Variants in SPOCK1 observed in about 807,000 individuals in gnomAD.
SPOCK1 encodes the protein SPARC (osteonectin), cwcv and kazal like domains proteoglycan 1.
Under a neutral mutation model 55.3 loss-of-function variants are expected in SPOCK1, and 23 were observed. That is an observed-to-expected ratio of 0.42 (90% confidence interval 0.30 to 0.59). SPOCK1 has a LOEUF of 0.59. Ranked by LOEUF, SPOCK1 falls within the 20% of genes least tolerant of loss-of-function variation. The pLI is 0.22. For missense variants in SPOCK1, 499 were observed against 552.5 expected (o/e 0.90, Z 0.97); for synonymous variants, 226 against 221.0 (o/e 1.02, Z -0.20).
At chr5:137,095,001 T>G (rs550408007) in intron 5 of SPOCK1, among the ~76,000 whole-genome samples, 1 of 152,272 alleles carries the variant, frequency 6.6e-6, no homozygotes, top group Non-Finnish European at 1.5e-5. Context: ...ATTAGCTTAA[T>G]TTCAATATTG....
intron 4 of SPOCK1, 95 bp from the exon 5 acceptor site, chr5:137,112,656 G>T: frequency 7.2e-7 from 1 of 1,398,016 alleles, no homozygotes. Context: ...AATAAATAAA[G>T]GACTATCCAA....
chr5:137,306,397 G>A (rs185881469), intron 2 of SPOCK1, among the ~76,000 whole-genome samples: 3 of 152,280 alleles, frequency 2.0e-5, no homozygotes, highest in Admixed American at 2.0e-4. Context: ...TCTCTGGGTG[G>A]GAGTCACATG....
At chr5:137,001,039 G>T (rs1193279999) in intron 6 of SPOCK1, among the ~76,000 whole-genome samples, 1 of 152,090 alleles carries the variant, frequency 6.6e-6, no homozygotes, top group Non-Finnish European at 1.5e-5. Flanking sequence ...ACAAAAAATA[G>T]GCTCTGGAGT....
rs572128078 is a variant in SPOCK1 at position 137,079,543 on chromosome 5, C to CA, written c.475-11715_475-11714insT. ...ACCATCCCATCTGATTCCCCCCCCCCCCGACTTAGTGAAATGTCGTACCAA... is the reference window on the plus strand; with the variant it reads ...ACCATCCCATCTGATTCCCCCCCCCCACCGACTTAGTGAAATGTCGTACCAA... On this transcript the variant is annotated intron_variant, in intron 5 of 10. Coordinates refer to ENST00000394945, the MANE Select transcript of SPOCK1 (RefSeq NM_004598.4). Among the ~76,000 whole-genome samples, 13 of 147,940 alleles carry CA rather than the reference C, an allele frequency of 8.8e-5. No individual in the cohort carries two copies. In the South Asian group the frequency reaches 2.6e-3, roughly 30 times the overall value.
At chr5:137,397,653 T>G (rs1476565614) in intron 2 of SPOCK1, among the ~76,000 whole-genome samples, 2 of 152,224 alleles carry the variant, frequency 1.3e-5, no homozygotes, top group Non-Finnish European at 2.9e-5. Context: ...ATGGGAGCTC[T>G]GAAGAGAAAC....
At chr5:137,271,005 A>AAATTAATT (rs3043269) in intron 2 of SPOCK1, among the ~76,000 whole-genome samples, 1,540 of 147,640 alleles carry the variant, frequency 0.01, 13 homozygotes, top group African/African-American at 0.021. Context: ...CTCTGTCTCA[A>AAATTAATT]AATTAATTAA....
intron 5 of SPOCK1, among the ~76,000 whole-genome samples, chr5:137,102,238 A>G (rs1753285204): frequency 6.6e-6 from 1 of 152,186 alleles, no homozygotes; most frequent in African/African-American, 2.4e-5. Context: ...GGGCCATATC[A>G]GCCTGGATAT....
chr5:137,010,005 G>GT (rs908696807), intron 6 of SPOCK1, among the ~76,000 whole-genome samples: 3 of 152,118 alleles, frequency 2.0e-5, no homozygotes, highest in African/African-American at 7.2e-5. Flanking sequence ...CTTCAAATAT[G>GT]TGTTCACCTG....
chr5:137,218,803 G>C (rs13166226), intron 3 of SPOCK1, among the ~76,000 whole-genome samples: 25,842 of 152,108 alleles, frequency 0.17, 2,496 homozygotes, highest in South Asian at 0.26. Flanking sequence ...CCAAGGAGGA[G>C]CTCCTTCTCA....
At chr5:137,275,954 C>T (rs1757058654) in intron 2 of SPOCK1, among the ~76,000 whole-genome samples, 1 of 152,212 alleles carries the variant, frequency 6.6e-6, no homozygotes, top group Admixed American at 6.5e-5. Context: ...TGGCCACGTG[C>T]CCTAACCAGC....
At chr5:137,261,402 A>G (rs1756740304) in intron 3 of SPOCK1, among the ~76,000 whole-genome samples, 1 of 152,210 alleles carries the variant, frequency 6.6e-6, no homozygotes, top group Non-Finnish European at 1.5e-5. Context: ...GAACATGAAA[A>G]GAACTCCCTC....
intron 3 of SPOCK1, among the ~76,000 whole-genome samples, chr5:137,261,679 GATTAGTATTCACTC>G (rs2127113004): frequency 6.6e-6 from 1 of 152,316 alleles, no homozygotes; most frequent in East Asian, 1.9e-4. Flanking sequence ...CTGGAAGAAT[GATTAGTATTCACTC>G]CAGAATAAAA....
rs77428651 is a variant in SPOCK1 at position 136,993,815 on chromosome 5, G to A, written c.590-1215C>T. Among the ~76,000 whole-genome samples the A allele has an allele frequency of 2.5e-3, 387 of 152,298 alleles. 1 individual carries two copies. Among genetic ancestry groups the A allele is most frequent in the Non-Finnish European group, 4.2e-3 (285 of 68,024 alleles). On this transcript the variant is annotated intron_variant, in intron 6 of 10. Transcript: ENST00000394945. Reference sequence around the variant, plus strand: ...TAGGGACAGTGATGAAAAAGGAGTAGACACAGCCTCACCAAAACTCCAAGC... The same window carrying A: ...TAGGGACAGTGATGAAAAAGGAGTAAACACAGCCTCACCAAAACTCCAAGC...
intron 2 of SPOCK1, among the ~76,000 whole-genome samples, chr5:137,362,671 C>T (rs1193523040): frequency 2.0e-5 from 3 of 152,132 alleles, no homozygotes; most frequent in Non-Finnish European, 4.4e-5. Context: ...ATATTCTCCA[C>T]TTTGTGAGCC....
intron 3 of SPOCK1, among the ~76,000 whole-genome samples, chr5:137,256,820 C>T (rs555498841): frequency 1.2e-4 from 18 of 152,266 alleles, no homozygotes; most frequent in East Asian, 3.9e-4. Flanking sequence ...CTCCAGCGCA[C>T]GCGTGCCACA....
At chr5:137,190,955 T>C (rs1303825649) in intron 3 of SPOCK1, among the ~76,000 whole-genome samples, 2 of 152,198 alleles carry the variant, frequency 1.3e-5, no homozygotes, top group African/African-American at 4.8e-5. Flanking sequence ...TTTCAGAGCC[T>C]TAGGAAATAA....
intron 2 of SPOCK1, among the ~76,000 whole-genome samples, chr5:137,342,384 C>T (rs1049711303): frequency 6.6e-6 from 1 of 152,162 alleles, no homozygotes; most frequent in African/African-American, 2.4e-5. Context: ...TTTCTTTCAG[C>T]TCACCCCATG....
At chr5:137,244,719 C>T (rs1202992665) in intron 3 of SPOCK1, among the ~76,000 whole-genome samples, 4 of 152,184 alleles carry the variant, frequency 2.6e-5, no homozygotes, top group Admixed American at 2.6e-4. Flanking sequence ...ACTGGGGCTA[C>T]CAAACATATT....
At chr5:137,308,675 CT>C (rs1443445324) in intron 2 of SPOCK1, among the ~76,000 whole-genome samples, 1 of 152,190 alleles carries the variant, frequency 6.6e-6, no homozygotes, top group Non-Finnish European at 1.5e-5. Flanking sequence ...CTTTCATCTC[CT>C]GTGTAACCAA....
Sources: allele counts gnomAD v4.1 joint callset (sites outside exome capture counted in the v4.1 genomes callset), GRCh38; gene constraint gnomAD v4.1.1; transcripts MANE v1.5; gene names NCBI Gene and HGNC (gene_info 2026-07-23, HGNC 2026-07-21).